Variants in CDKAL1 observed in about 807,000 individuals in gnomAD.
CDKAL1 encodes the protein threonylcarbamoyladenosine tRNA methylthiotransferase.
CDKAL1 carries 32 observed loss-of-function variants against 68.2 expected under a neutral mutation model. That is an observed-to-expected ratio of 0.47 (90% CI 0.35 to 0.63). The LOEUF (loss-of-function observed/expected upper bound fraction) is 0.63. Among genes scored for constraint, CDKAL1 ranks in the 30% least tolerant of loss-of-function variants. The probability of loss-of-function intolerance (pLI) is 0.00; values close to 1 mark genes in which losing one functional copy is unlikely to be tolerated. For synonymous variants in CDKAL1, 234 were observed against 244.3 expected (o/e 0.96, Z 0.39); for missense variants, 606 against 696.7 (o/e 0.87, Z 1.47).
intron 7 of CDKAL1, among the ~76,000 whole-genome samples, chr6:20,772,651 T>C (rs892694871): frequency 2.0e-5 from 3 of 152,298 alleles, no homozygotes; most frequent in Admixed American, 2.0e-4. Flanking sequence ...AAGAAAAAAA[T>C]TGCCTAAGAA....
intron 15 of CDKAL1, among the ~76,000 whole-genome samples, chr6:21,228,851 C>G (rs1207255933): frequency 6.6e-6 from 1 of 152,182 alleles, no homozygotes; most frequent in East Asian, 1.9e-4. Flanking sequence ...GAAATGGAAG[C>G]TCTTCAGCAT....
intron 5 of CDKAL1, among the ~76,000 whole-genome samples, chr6:20,725,852 C>G (rs368833803): frequency 2.0e-5 from 3 of 151,442 alleles, no homozygotes; most frequent in African/African-American, 7.3e-5. Flanking sequence ...TCTCTCTTGC[C>G]CAAATTCTTA....
chr6:20,675,816 A>C (rs78929009), intron 5 of CDKAL1, among the ~76,000 whole-genome samples: 1 of 152,180 alleles, frequency 6.6e-6, no homozygotes, highest in Non-Finnish European at 1.5e-5. Flanking sequence ...TAACTGTAAA[A>C]CAGCCTCAGG....
rs150119222 is a variant in CDKAL1, at chr6:21,188,040, G to C, written c.1300-9981G>C. 1.9e-3 allele frequency among the ~76,000 whole-genome samples: 294 copies of C among 152,114 alleles called. 11 individuals are homozygous for C. In the East Asian group the frequency reaches 0.045, roughly 23 times the overall value. On this transcript the variant is annotated intron_variant, in intron 13 of 15. Coordinates refer to ENST00000274695, the MANE Select transcript of CDKAL1 (RefSeq NM_017774.3). ...CTGTATGTAGATAATTTAGATTTTT[G>C]GTTTTGAATTGCTTTTTTAGCAGTT...
rs573530461 is a variant in CDKAL1 at position 20,819,716 on chromosome 6, G to A, written c.639-26359G>A. On this transcript the variant is annotated intron_variant, in intron 8 of 15. Transcript: ENST00000274695. ...CTATACTTCGAAATAAATGTAAAGT[G>A]TGAAAATATTTTCAAATGTGTTTGA... 3.3e-5 allele frequency among the ~76,000 whole-genome samples: 5 copies of A among 152,226 alleles called. No individual in the cohort carries two copies. In the South Asian group the frequency reaches 8.3e-4, roughly 25 times the overall value.
intron 8 of CDKAL1, among the ~76,000 whole-genome samples, chr6:20,783,139 C>A (rs1430564637): frequency 6.6e-6 from 1 of 152,174 alleles, no homozygotes; most frequent in South Asian, 2.1e-4. Context: ...TGTGTTGCCC[C>A]TGCTAGTCTC....
intron 9 of CDKAL1, among the ~76,000 whole-genome samples, chr6:20,882,845 T>A (rs1444004298): frequency 2.0e-5 from 3 of 152,244 alleles, no homozygotes; most frequent in Non-Finnish European, 4.4e-5. Flanking sequence ...TTGTGATATG[T>A]TCTTTTCTCA....
chr6:20,831,919 A>G (rs190352107), intron 8 of CDKAL1, among the ~76,000 whole-genome samples: 1 of 152,238 alleles, frequency 6.6e-6, no homozygotes, highest in East Asian at 1.9e-4. Context: ...ATCAGCTTCA[A>G]TGATTGCTCT....
intron 4 of CDKAL1, among the ~76,000 whole-genome samples, chr6:20,645,299 T>C (rs1258326237): frequency 6.6e-6 from 1 of 152,172 alleles, no homozygotes; most frequent in Non-Finnish European, 1.5e-5. Flanking sequence ...TAACCTTAGC[T>C]TACTATAATA....
intron 9 of CDKAL1, among the ~76,000 whole-genome samples, chr6:20,896,746 C>G (rs1402060342): frequency 6.6e-6 from 1 of 151,990 alleles, no homozygotes; most frequent in South Asian, 2.1e-4. Flanking sequence ...CTGAGACTAC[C>G]AGATATTACC....
At chr6:21,055,090 T>C (rs1770755350) in intron 11 of CDKAL1, among the ~76,000 whole-genome samples, 1 of 152,170 alleles carries the variant, frequency 6.6e-6, no homozygotes, top group East Asian at 1.9e-4. Context: ...TTGTCAAAAG[T>C]TTTCTGAATC....
chr6:20,856,980 C>T (rs565636770), intron 9 of CDKAL1, among the ~76,000 whole-genome samples: 2 of 152,194 alleles, frequency 1.3e-5, no homozygotes, highest in South Asian at 4.2e-4. Flanking sequence ...ATTTCTTCTC[C>T]TGCTTGTGTG....
chr6:20,613,071 T>C (rs556369961), intron 4 of CDKAL1, among the ~76,000 whole-genome samples: 9 of 148,642 alleles, frequency 6.1e-5, no homozygotes, highest in Non-Finnish European at 9.0e-5. Context: ...TAAGAATAAA[T>C]GTACACACAC....
intron 13 of CDKAL1, among the ~76,000 whole-genome samples, chr6:21,159,228 A>T (rs1258866015): frequency 6.6e-6 from 1 of 152,060 alleles, no homozygotes; most frequent in Non-Finnish European, 1.5e-5. Context: ...CCAGGATGGA[A>T]TACAACTTAT....
chr6:21,021,846 G>T (rs575205329), intron 11 of CDKAL1, among the ~76,000 whole-genome samples: 21 of 152,284 alleles, frequency 1.4e-4, no homozygotes, highest in African/African-American at 5.1e-4. Context: ...TCTAATAAAT[G>T]TCTACTTTCC....
At chr6:20,694,774 G>C (rs1206493361) in intron 5 of CDKAL1, among the ~76,000 whole-genome samples, 2 of 152,174 alleles carry the variant, frequency 1.3e-5, no homozygotes, top group Non-Finnish European at 2.9e-5. Flanking sequence ...TTGAAATTTG[G>C]TTCCTAATGT....
At chr6:20,672,724 C>T (rs1267345431) in intron 5 of CDKAL1, among the ~76,000 whole-genome samples, 1 of 152,002 alleles carries the variant, frequency 6.6e-6, no homozygotes, top group East Asian at 1.9e-4. Context: ...ACTTTAGTAT[C>T]ATCTGTGTAA....
chr6:20,557,916 G>A (rs920517629), intron 4 of CDKAL1, among the ~76,000 whole-genome samples: 1 of 152,102 alleles, frequency 6.6e-6, no homozygotes, highest in African/African-American at 2.4e-5. Context: ...GACAGAGTGA[G>A]TGAGACTCCG....
chr6:20,545,120 C>T (rs913271169), intron 2 of CDKAL1, among the ~76,000 whole-genome samples: 2 of 151,756 alleles, frequency 1.3e-5, no homozygotes, highest in Non-Finnish European at 2.9e-5. Context: ...GCATCTCTTG[C>T]CATTTCTGAT....
Sources: allele counts gnomAD v4.1 joint callset (sites outside exome capture counted in the v4.1 genomes callset), GRCh38; gene constraint gnomAD v4.1.1; transcripts MANE v1.5; gene names NCBI Gene and HGNC (gene_info 2026-07-23, HGNC 2026-07-21).